The following HAO2 variants were observed in gnomAD, a reference collection of about 807,000 sequenced individuals.
HAO2 encodes the protein 2-Hydroxyacid oxidase 2.
Under a neutral mutation model 37.4 loss-of-function variants are expected in HAO2, and 42 were observed. The ratio of observed to expected loss-of-function variants is 1.12; its 90% CI spans 0.88 to 1.45. HAO2 has a LOEUF of 1.45. HAO2 is among the 40% of genes most tolerant of loss of function. HAO2 has a pLI of 0.00. For missense variants in HAO2, 476 were observed against 430.2 expected (o/e 1.11, Z -0.94); for synonymous variants, 180 against 162.8 (o/e 1.11, Z -0.81).
At position 119,392,700 on chromosome 1, in the gene HAO2, G is replaced by A. The variant is rs936875938; in HGVS notation, c.1000+13G>A. ...ATGGCCCTTACAGGTAAGTTAACATGTTTTCCCTGATTTGGAACTTAAAGC... is the reference window on the plus strand; with the variant it reads ...ATGGCCCTTACAGGTAAGTTAACATATTTTCCCTGATTTGGAACTTAAAGC... On this transcript the variant is annotated intron_variant, in intron 7 of 7. Transcript: ENST00000325945. 1 of 1,538,872 alleles carries A rather than the reference G, an allele frequency of 6.5e-7. No individual in the cohort carries two copies.
At chr1:119,374,248 C>A (rs148835706) in intron 1 of HAO2, among the ~76,000 whole-genome samples, 163 of 152,352 alleles carry the variant, frequency 1.1e-3, no homozygotes, top group African/African-American at 3.7e-3. Flanking sequence ...CCCAACACTG[C>A]CATCTGCACA....
intron 1 of HAO2, among the ~76,000 whole-genome samples, chr1:119,375,442 A>G (rs753801299): frequency 8.5e-5 from 13 of 152,110 alleles, no homozygotes; most frequent in Non-Finnish European, 1.9e-4. Context: ...TTAAAAATAT[A>G]TAATTGTATT....
chr1:119,393,728 T>G, intron 7 of HAO2, 57 bp from the exon 8 acceptor site: 92 of 1,405,990 alleles, frequency 6.5e-5, no homozygotes, highest in Non-Finnish European at 8.2e-5. Context: ...TTACCCATGA[T>G]GAGGTGAGTT....
intron 1 of HAO2, among the ~76,000 whole-genome samples, chr1:119,380,308 A>T (rs1428289995): frequency 6.6e-6 from 1 of 152,136 alleles, no homozygotes; most frequent in Non-Finnish European, 1.5e-5. Flanking sequence ...CTCTGCGTTT[A>T]TAGGGCTCAA....
At chr1:119,385,477 C>A in intron 4 of HAO2, 1 of 771,456 alleles carries the variant, frequency 1.3e-6, no homozygotes, top group Non-Finnish European at 1.6e-6. Flanking sequence ...ATGTTCATGA[C>A]CAAAGTGACT....
At position 119,394,011 on chromosome 1, in the gene HAO2, C is replaced by T. The variant is rs1651132814; in HGVS notation, c.*171C>T. On this transcript the variant is annotated 3_prime_UTR_variant, in exon 8 of 8. Transcript: ENST00000325945. ...CCTGTGCTTCAGGCCCTCCAAACCC[C>T]TGTGTTCCCCAAATGTTCCATGCCC... The T allele has an allele frequency of 3.5e-6, 5 of 1,431,984 alleles. No homozygotes were observed. The Admixed American group carries it at 1.0e-4, about 29-fold the overall frequency. 88.7% of individuals were successfully genotyped at this position (1,431,984 alleles called of 1,614,324 possible).
At chr1:119,377,274 G>A (rs1405339935) in intron 1 of HAO2, among the ~76,000 whole-genome samples, 2 of 152,028 alleles carry the variant, frequency 1.3e-5, no homozygotes, top group African/African-American at 4.8e-5. Flanking sequence ...TCTAAGGGAG[G>A]GGCAAAATAC....
chr1:119,390,100 G>A lies in HAO2; in HGVS notation c.772-2010G>A, dbSNP rs587761302. Among the ~76,000 whole-genome samples, 4 of 152,244 alleles carry A rather than the reference G, an allele frequency of 2.6e-5. No homozygotes were observed. The East Asian group carries it at 7.7e-4, about 29-fold the overall frequency. ...TTCACCAAAGATCAGTTGGCTGTAA[G>A]TATTTGGATTTATTTCTGGGTTCTC... On this transcript the variant is annotated intron_variant, in intron 5 of 7. Transcript: ENST00000325945.
At position 119,390,222 on chromosome 1, in the gene HAO2, G is replaced by C. The variant is rs137910031; in HGVS notation, c.772-1888G>C. Among the ~76,000 whole-genome samples the C allele has an allele frequency of 4.2e-3, 642 of 152,196 alleles. 7 individuals are homozygous for C. The highest frequency in any genetic ancestry group is 0.015 in the African/African-American group (618 of 41,530). On this transcript the variant is annotated intron_variant, in intron 5 of 7. Coordinates refer to ENST00000325945, the MANE Select transcript of HAO2 (RefSeq NM_016527.4). Reference sequence around the variant, plus strand: ...AGAGAGAATTCATGTCCAAATAAAAGACATTTTTATAGTCCCAGCATGGTA... The same window carrying C: ...AGAGAGAATTCATGTCCAAATAAAACACATTTTTATAGTCCCAGCATGGTA...
rs112357987 is a variant in HAO2 at position 119,378,727 on chromosome 1, G to A, written c.-8-2351G>A. Among the ~76,000 whole-genome samples, 707 of 152,240 alleles carry A rather than the reference G, an allele frequency of 4.6e-3. 6 individuals are homozygous for A. The highest frequency in any genetic ancestry group is 6.9e-3 in the Non-Finnish European group (469 of 68,020). On this transcript the variant is annotated intron_variant, in intron 1 of 7. Coordinates refer to ENST00000325945, the MANE Select transcript of HAO2 (RefSeq NM_016527.4). Reference sequence around the variant, plus strand: ...CTTCTGGATTAGACATAATGTTTGTGGCATTTATATGCTAGAATTGTGTAG... The same window carrying A: ...CTTCTGGATTAGACATAATGTTTGTAGCATTTATATGCTAGAATTGTGTAG...
chr1:119,380,848 A>G, intron 1 of HAO2: 1 of 732,680 alleles, frequency 1.4e-6, no homozygotes, highest in Non-Finnish European at 2.3e-6. Context: ...AGGCCAAATA[A>G]TCAGGATTTG....
chr1:119,383,140 A>T, intron 3 of HAO2, 74 bp downstream of exon 3: 1 of 1,114,284 alleles, frequency 9.0e-7, no homozygotes, highest in Non-Finnish European at 1.3e-6. Context: ...AGGCTCCAAG[A>T]TTCTCTCTAG....
At chr1:119,390,468 C>T (rs1240503616) in intron 5 of HAO2, among the ~76,000 whole-genome samples, 3 of 152,058 alleles carry the variant, frequency 2.0e-5, no homozygotes, top group African/African-American at 4.8e-5. Flanking sequence ...AGGCTGGTCT[C>T]GAACTCCTCA....
chr1:119,378,858 C>T (rs587714191), intron 1 of HAO2, among the ~76,000 whole-genome samples: 7 of 152,096 alleles, frequency 4.6e-5, no homozygotes, highest in Admixed American at 3.9e-4. Flanking sequence ...AGATAAATGA[C>T]AGGCAGGGGA....
rs1369418460 is a variant in HAO2 at position 119,386,675 on chromosome 1, G to A, written c.615G>A (p.Trp205Ter). The change falls in exon 5 of 8, where the codon TGG becomes TGA. Residue 205 changes from tryptophan to a stop codon, truncating the protein, a stop_gained. Coordinates refer to ENST00000325945, the MANE Select transcript of HAO2 (RefSeq NM_016527.4). LOFTEE classifies it high-confidence loss of function. ...QMTPISTSLC[W>*]NDLSWFQSIT... Reference sequence around the variant, plus strand: ...CTCCTATCAGCACTTCTCTCTGCTGGAATGATCTCTCCTGGTTTCAGAGCA... The same window carrying A: ...CTCCTATCAGCACTTCTCTCTGCTGAAATGATCTCTCCTGGTTTCAGAGCA... 1.4e-5 allele frequency: 22 copies of A among 1,613,224 alleles called. No homozygotes were observed. Among genetic ancestry groups the A allele is most frequent in the Non-Finnish European group, 1.6e-5 (19 of 1,179,342 alleles).
intron 1 of HAO2, among the ~76,000 whole-genome samples, chr1:119,369,582 A>G (rs763184056): frequency 1.3e-4 from 20 of 152,224 alleles, no homozygotes; most frequent in Non-Finnish European, 2.6e-4. Context: ...CTTAACTACT[A>G]CTATATTCTG....
At chr1:119,381,623 G>A (rs113048239) in intron 2 of HAO2, among the ~76,000 whole-genome samples, 425 of 152,242 alleles carry the variant, frequency 2.8e-3, no homozygotes, top group African/African-American at 9.8e-3. Context: ...AAAATATGGA[G>A]ATCCAAGGAG....
In HAO2 at chr1:119,387,734, A is replaced by G. The variant is rs1650501652; in HGVS notation, c.771+903A>G. ...GCTCCTCTTATTTTTAATGGTATGT[A>G]GTATGAACAGACAACTATATAACCA... is the stretch of plus-strand genomic sequence containing the variant. On this transcript the variant is annotated intron_variant, in intron 5 of 7. Coordinates refer to ENST00000325945, the MANE Select transcript of HAO2 (RefSeq NM_016527.4). 3.3e-5 allele frequency among the ~76,000 whole-genome samples: 5 copies of G among 152,202 alleles called. No homozygotes were observed. The South Asian group carries it at 8.3e-4, about 25-fold the overall frequency.
At chr1:119,388,026 G>C (rs1343049760) in intron 5 of HAO2, among the ~76,000 whole-genome samples, 1 of 152,178 alleles carries the variant, frequency 6.6e-6, no homozygotes, top group East Asian at 1.9e-4. Context: ...ACCCTTCACT[G>C]TGTCTCTCTG....
Sources: allele counts gnomAD v4.1 joint callset (sites outside exome capture counted in the v4.1 genomes callset), GRCh38; gene constraint gnomAD v4.1.1; transcripts MANE v1.5; gene names NCBI Gene and HGNC (gene_info 2026-07-23, HGNC 2026-07-21).